Variants in G3BP1 observed in about 807,000 individuals in gnomAD.
The protein encoded by G3BP1 is G3BP stress granule assembly factor 1.
G3BP1 carries 35 observed loss-of-function variants against 58.6 expected under a neutral mutation model. That is an observed-to-expected ratio of 0.60 (90% CI 0.46 to 0.79). The LOEUF is 0.79. G3BP1 is among the 30% of genes least tolerant of loss of function. The probability of loss-of-function intolerance (pLI) is 0.00; values close to 1 mark genes in which losing one functional copy is unlikely to be tolerated. For synonymous variants in G3BP1, 191 were observed against 195.4 expected, an observed-to-expected ratio of 0.98 and a Z score of 0.19; for missense variants, 523 against 580.8, an observed-to-expected ratio of 0.90 and a Z score of 1.02.
intron 4 of G3BP1, chr5:151,792,016 T>C (rs1310232126): frequency 2.3e-6 from 1 of 438,448 alleles, no homozygotes; most frequent in Non-Finnish European, 4.5e-6. Flanking sequence ...TTTATCTTTC[T>C]TGAACACTTA....
chr5:151,801,014 T>C (rs533135967), intron 11 of G3BP1, 145 bp downstream of exon 11: 2 of 555,298 alleles, frequency 3.6e-6, no homozygotes, highest in African/African-American at 1.9e-5. Context: ...TTTCAACCAT[T>C]ATTAAAAGAC....
chr5:151,811,903 A>G lies in G3BP1; in HGVS notation c.*7812A>G, dbSNP rs968136676. On this transcript the variant is annotated 3_prime_UTR_variant, in exon 12 of 12. Coordinates refer to ENST00000356245, the MANE Select transcript of G3BP1 (RefSeq NM_005754.3). ...GACATACTATCACATTTTCTTCTTCATAAGGATGAGGAACTTTGTAATTCT... is the reference window on the plus strand; with the variant it reads ...GACATACTATCACATTTTCTTCTTCGTAAGGATGAGGAACTTTGTAATTCT... The G allele has an allele frequency of 6.6e-6, 1 of 152,200 alleles. No individual in the cohort carries two copies. Among genetic ancestry groups the G allele is most frequent in the African/African-American group, 2.4e-5 (1 of 41,458 alleles). The allele number at this position is 152,200 out of a possible 1,614,324, so 9.4% of individuals were successfully genotyped here.
In G3BP1 at chr5:151,812,679, A is replaced by G. The variant is rs1763033233; in HGVS notation, c.*8588A>G. ...AGTCAATGAATCCTGAGTCAAAATG[A>G]AAGGTTGCTAAATCTAAGATCGAGT... On this transcript the variant is annotated 3_prime_UTR_variant, in exon 12 of 12. Coordinates refer to ENST00000356245, the MANE Select transcript of G3BP1 (RefSeq NM_005754.3). 1.3e-5 allele frequency: 2 copies of G among 152,246 alleles called. No homozygotes were observed. The allele number at this position is 152,246 out of a possible 1,614,324, so 9.4% of individuals were successfully genotyped here. A position where few individuals can be genotyped will look rare whatever the true frequency, so the allele number is the denominator to read the frequency against.
At chr5:151,802,025 C>T (rs1318128210) in intron 11 of G3BP1, among the ~76,000 whole-genome samples, 1 of 152,072 alleles carries the variant, frequency 6.6e-6, no homozygotes, top group African/African-American at 2.4e-5. Flanking sequence ...CCATGTTAAC[C>T]AGGCTGATCT....
At position 151,811,051 on chromosome 5, in the gene G3BP1, C is replaced by T. The variant is rs1763011000; in HGVS notation, c.*6960C>T. ...TGCTAAAGTCTGAGTCATCTGCTTC[C>T]ATTTTTGTTATTCCCCACATCCAGT... On this transcript the variant is annotated 3_prime_UTR_variant, in exon 12 of 12. Transcript: ENST00000356245. The T allele has an allele frequency of 6.6e-6, 1 of 152,204 alleles. No homozygotes were observed. The highest frequency in any genetic ancestry group is 2.1e-4 in the South Asian group (1 of 4,836). 9.4% of individuals were successfully genotyped at this position (152,204 alleles called of 1,614,324 possible).
chr5:151,775,459 C>T (rs1473175602), intron 1 of G3BP1, among the ~76,000 whole-genome samples: 2 of 152,236 alleles, frequency 1.3e-5, no homozygotes, highest in East Asian at 1.9e-4. Flanking sequence ...TTTTGAAAAG[C>T]ATGTGGTACC....
chr5:151,804,744 T>C lies in G3BP1; in HGVS notation c.*653T>C, dbSNP rs757720408. The C allele has an allele frequency of 9.2e-5, 14 of 152,662 alleles. No homozygotes were observed. Among genetic ancestry groups the C allele is most frequent in the Non-Finnish European group, 1.6e-4 (11 of 68,040 alleles). 9.5% of individuals were successfully genotyped at this position (152,662 alleles called of 1,614,324 possible). A position where few individuals can be genotyped will look rare whatever the true frequency, so the allele number is the denominator to read the frequency against. On this transcript the variant is annotated 3_prime_UTR_variant, in exon 12 of 12. Transcript: ENST00000356245. The stretch of plus-strand genomic sequence containing the variant: ...AAATTTAAATTGTGATAATAGGTTT[T>C]AAATGTCTAGAATGCAACTGATAGG...
intron 10 of G3BP1, 70 bp from the exon 11 acceptor site, chr5:151,800,690 T>C: frequency 2.1e-6 from 2 of 933,650 alleles, no homozygotes; most frequent in South Asian, 2.6e-5. Context: ...GCTACTGTAT[T>C]GGACTGTGTA....
In G3BP1 at chr5:151,806,077, A is replaced by G. The variant is rs908811347; in HGVS notation, c.*1986A>G. On this transcript the variant is annotated 3_prime_UTR_variant, in exon 12 of 12. Coordinates refer to ENST00000356245, the MANE Select transcript of G3BP1 (RefSeq NM_005754.3). ...AATTTGGAAGGGTTGTTGGAGAGAC[A>G]TGCATCTGGCATTTATTGGGTGGGG... 3.3e-5 allele frequency: 5 copies of G among 152,194 alleles called. No homozygotes were observed. Among genetic ancestry groups the G allele is most frequent in the African/African-American group, 1.2e-4 (5 of 41,450 alleles). 9.4% of individuals were successfully genotyped at this position (152,194 alleles called of 1,614,324 possible). A position where few individuals can be genotyped will look rare whatever the true frequency, so the allele number is the denominator to read the frequency against.
chr5:151,812,755 T>A lies in G3BP1; in HGVS notation c.*8664T>A, dbSNP rs1430654248. On this transcript the variant is annotated 3_prime_UTR_variant, in exon 12 of 12. Transcript: ENST00000356245. ...CAGTGACTGTGCATTTATTTTGTAA[T>A]AAACTCATTTTGGAATGTTTTAGCA... is the stretch of plus-strand genomic sequence containing the variant. 1 of 152,214 alleles carries A rather than the reference T, an allele frequency of 6.6e-6. No individual in the cohort carries two copies. The highest frequency in any genetic ancestry group is 1.5e-5 in the Non-Finnish European group (1 of 68,020). 9.4% of individuals were successfully genotyped at this position (152,214 alleles called of 1,614,324 possible).
At chr5:151,793,744 G>A (rs563009367) in intron 4 of G3BP1, among the ~76,000 whole-genome samples, 145 of 143,426 alleles carry the variant, frequency 1.0e-3, no homozygotes, top group Middle Eastern at 3.7e-3. Context: ...CCATAATTCA[G>A]AACTTTGGGA....
intron 11 of G3BP1, among the ~76,000 whole-genome samples, chr5:151,803,472 C>G (rs182799929): frequency 4.6e-5 from 7 of 152,120 alleles, no homozygotes; most frequent in Admixed American, 1.3e-4. Flanking sequence ...ACTGTGAGAA[C>G]TTAGCTGATT....
rs1762947875 is a variant in G3BP1, at chr5:151,807,088, G to T, written c.*2997G>T. On this transcript the variant is annotated 3_prime_UTR_variant, in exon 12 of 12. Transcript: ENST00000356245. ...TATTCCAGCGTTCTCAACTTTGTCA[G>T]ATATTGCTAGGGACCAGTGAGATAG... 1 of 152,186 alleles carries T rather than the reference G, an allele frequency of 6.6e-6. No homozygotes were observed. Among genetic ancestry groups the T allele is most frequent in the African/African-American group, 2.4e-5 (1 of 41,448 alleles). 9.4% of individuals were successfully genotyped at this position (152,186 alleles called of 1,614,324 possible).
At position 151,808,635 on chromosome 5, in the gene G3BP1, C is replaced by T. The variant is rs1297636086; in HGVS notation, c.*4544C>T. The T allele has an allele frequency of 6.6e-6, 1 of 152,074 alleles. No individual in the cohort carries two copies. Among genetic ancestry groups the T allele is most frequent in the African/African-American group, 2.4e-5 (1 of 41,386 alleles). The allele number at this position is 152,074 out of a possible 1,614,324, so 9.4% of individuals were successfully genotyped here. On this transcript the variant is annotated 3_prime_UTR_variant, in exon 12 of 12. Coordinates refer to ENST00000356245, the MANE Select transcript of G3BP1 (RefSeq NM_005754.3). ...GTGACTTGGCCAATTACAGAAATTC[C>T]TAAGTGTAGTATTTTGAAATGTGGC...
At chr5:151,781,940 C>T (rs1347322275) in intron 1 of G3BP1, among the ~76,000 whole-genome samples, 3 of 151,828 alleles carry the variant, frequency 2.0e-5, no homozygotes, top group Non-Finnish European at 1.5e-5. Flanking sequence ...TTGTTGAAGG[C>T]TCAACTGTAG....
chr5:151,792,857 C>T (rs1199639255), intron 4 of G3BP1, among the ~76,000 whole-genome samples: 1 of 152,138 alleles, frequency 6.6e-6, no homozygotes, highest in Non-Finnish European at 1.5e-5. Context: ...TTAAGCAGTT[C>T]TCCTACCTCA....
chr5:151,780,339 A>T (rs1363522362), intron 1 of G3BP1, among the ~76,000 whole-genome samples: 1 of 152,008 alleles, frequency 6.6e-6, no homozygotes, highest in Non-Finnish European at 1.5e-5. Context: ...TTATTATATG[A>T]TATTATATTT....
At position 151,804,042 on chromosome 5, in the gene G3BP1, T is replaced by A; in HGVS notation, c.1352T>A (p.Val451Glu). ...AGAGGCCCTCCCCGTGGAGGCATGGTGCAGAAACCAGGATTTGGAGTGGGA... is the reference window on the plus strand; with the variant it reads ...AGAGGCCCTCCCCGTGGAGGCATGGAGCAGAAACCAGGATTTGGAGTGGGA... ...GMRGPPRGGM[V>E]QKPGFGVGRG... The change falls in exon 12 of 12, where the codon GTG (valine) becomes GAG (glutamate). Residue 451 changes from valine to glutamate, a missense_variant. Physicochemically the swap from Val to Glu is moderately radical, Grantham distance 121. Coordinates refer to ENST00000356245, the MANE Select transcript of G3BP1 (RefSeq NM_005754.3). The A allele has an allele frequency of 6.2e-7, 1 of 1,612,782 alleles. No individual in the cohort carries two copies. Among genetic ancestry groups the A allele is most frequent in the Non-Finnish European group, 8.5e-7 (1 of 1,179,356 alleles).
At chr5:151,774,300 T>G (rs1195076273) in intron 1 of G3BP1, among the ~76,000 whole-genome samples, 1 of 152,130 alleles carries the variant, frequency 6.6e-6, no homozygotes, top group Non-Finnish European at 1.5e-5. Flanking sequence ...TGGTAATGTT[T>G]GTTTGTGACC....
Sources: gnomAD v4.1 joint callset for allele counts (sites outside exome capture counted in the v4.1 genomes callset) on GRCh38, gnomAD v4.1.1 for gene constraint, MANE v1.5 for transcripts, NCBI Gene and HGNC (gene_info 2026-07-23, HGNC 2026-07-21) for gene names.